TOX: variants seen among roughly 807,000 people sequenced by gnomAD.
TOX encodes the protein thymocyte selection-associated high mobility group box protein TOX.
In TOX, 11 loss-of-function variants were observed where a neutral mutation model predicts 53.7. That is an observed-to-expected ratio of 0.20 (90% CI 0.13 to 0.34). The LOEUF is 0.34. TOX is among the 10% of genes least tolerant of loss of function. The pLI is 1.00. For missense variants in TOX, 570 were observed against 664.6 expected (o/e 0.86, Z 1.56); for synonymous variants, 225 against 245.3 (o/e 0.92, Z 0.77).
intron 3 of TOX, among the ~76,000 whole-genome samples, chr8:58,920,721 T>TAAAAAAAAAAAAAAAAAAAAAAAA (rs5891703): frequency 1.4e-4 from 11 of 81,022 alleles, no homozygotes; most frequent in Admixed American, 3.2e-4. Context: ...AAAAAAACAT[T>TAAAAAAAAAAAAAAAAAAAAAAAA]AAAAAAAAAA....
rs560478337 is a variant in TOX at position 58,851,158 on chromosome 8, G to GTCTCTCTCTCTCTC, written c.693+352_693+365dup. On this transcript the variant is annotated intron_variant, in intron 4 of 8. Coordinates refer to ENST00000361421, the MANE Select transcript of TOX (RefSeq NM_014729.3). This position sits in a 1 kb window ranked among gnomAD's most constrained non-coding sequence, Gnocchi z 4.4. The stretch of plus-strand genomic sequence containing the variant: ...CACCATACATCTCCTCTCTCTCTCT[G>GTCTCTCTCTCTCTC]TCTCTCTCTCTCTCTCTCTCTCTCT... Among the ~76,000 whole-genome samples, 14 of 118,276 alleles carry GTCTCTCTCTCTCTC rather than the reference G, an allele frequency of 1.2e-4. No homozygotes were observed. The highest frequency in any genetic ancestry group is 2.9e-4 in the South Asian group (1 of 3,470). 77.6% of individuals were successfully genotyped at this position (118,276 alleles called of 152,430 possible).
chr8:59,083,197 G>C (rs1340478912), intron 1 of TOX, among the ~76,000 whole-genome samples: 1 of 152,230 alleles, frequency 6.6e-6, no homozygotes, highest in Non-Finnish European at 1.5e-5. Context: ...AGTGGAAGGA[G>C]AGAGTCCAGA....
chr8:59,088,853 A>G (rs983813526), intron 1 of TOX, among the ~76,000 whole-genome samples: 1 of 152,180 alleles, frequency 6.6e-6, no homozygotes, highest in East Asian at 1.9e-4. Flanking sequence ...ATGACTACAC[A>G]TCTCTTAGCA....
rs550275018 is a variant in TOX at position 58,856,096 on chromosome 8, A to G, written c.412-4291T>C. Among the ~76,000 whole-genome samples the G allele has an allele frequency of 2.7e-3, 410 of 152,306 alleles. 4 individuals carry two copies. Among genetic ancestry groups the G allele is most frequent in the Non-Finnish European group, 3.4e-3 (233 of 68,024 alleles). On this transcript the variant is annotated intron_variant, in intron 3 of 8. Transcript: ENST00000361421. ...CAACAAAGACTGAAGTAAAAATGAAATATACTTTTTTTACATACTTGTACT... is the reference window on the plus strand; with the variant it reads ...CAACAAAGACTGAAGTAAAAATGAAGTATACTTTTTTTACATACTTGTACT...
intron 1 of TOX, among the ~76,000 whole-genome samples, chr8:59,019,148 C>A (rs897401256): frequency 6.6e-5 from 10 of 152,150 alleles, no homozygotes; most frequent in Non-Finnish European, 1.3e-4. Context: ...TAATACTCAA[C>A]ATTCATTTGC....
At chr8:58,892,927 CAAT>C (rs1327314077) in intron 3 of TOX, among the ~76,000 whole-genome samples, 1 of 152,060 alleles carries the variant, frequency 6.6e-6, no homozygotes, top group Non-Finnish European at 1.5e-5. Flanking sequence ...ATGCAGGCAA[CAAT>C]ATTATAAAAT....
intron 1 of TOX, among the ~76,000 whole-genome samples, chr8:59,103,447 G>C (rs1249983668): frequency 6.6e-6 from 1 of 152,190 alleles, no homozygotes; most frequent in Non-Finnish European, 1.5e-5. Flanking sequence ...TATTTTCCTA[G>C]AACAGAGTTG....
At chr8:58,909,163 T>C (rs771419654) in intron 3 of TOX, among the ~76,000 whole-genome samples, 3 of 152,170 alleles carry the variant, frequency 2.0e-5, no homozygotes, top group Non-Finnish European at 2.9e-5. Flanking sequence ...CCCAATATCA[T>C]TGAGGTGGAG....
chr8:58,976,080 A>G (rs1813094684), intron 1 of TOX, among the ~76,000 whole-genome samples: 1 of 152,196 alleles, frequency 6.6e-6, no homozygotes, highest in African/African-American at 2.4e-5. Context: ...AATAAAAAAA[A>G]AAAAATGAAG....
At chr8:58,989,644 G>C (rs887831973) in intron 1 of TOX, among the ~76,000 whole-genome samples, 1 of 152,120 alleles carries the variant, frequency 6.6e-6, no homozygotes, top group Non-Finnish European at 1.5e-5. Flanking sequence ...TCAAATATTA[G>C]AGTTTTAAGA....
chr8:58,882,683 C>T (rs1297554207), intron 3 of TOX, among the ~76,000 whole-genome samples: 1 of 152,144 alleles, frequency 6.6e-6, no homozygotes, highest in Non-Finnish European at 1.5e-5. Flanking sequence ...ACAAAGAAGA[C>T]CTTTTAACAA....
chr8:59,058,474 C>T (rs1349368873), intron 1 of TOX, among the ~76,000 whole-genome samples: 1 of 152,124 alleles, frequency 6.6e-6, no homozygotes, highest in African/African-American at 2.4e-5. Context: ...CACATGCTTG[C>T]CCACTGGAAG....
rs182480322 is a variant in TOX, at chr8:58,936,876, C to T, written c.411+2426G>A. Reference sequence around the variant, plus strand: ...TAACACAGTAGCTGCTGGGTGAATGCGGCTACTTAACTGTAAAGTAATTAA... The same window carrying T: ...TAACACAGTAGCTGCTGGGTGAATGTGGCTACTTAACTGTAAAGTAATTAA... On this transcript the variant is annotated intron_variant, in intron 3 of 8. Transcript: ENST00000361421. Among the ~76,000 whole-genome samples, 10 of 152,238 alleles carry T rather than the reference C, an allele frequency of 6.6e-5. No homozygotes were observed. The South Asian group carries it at 1.2e-3, about 19-fold the overall frequency.
intron 3 of TOX, among the ~76,000 whole-genome samples, chr8:58,870,441 G>A (rs190657936): frequency 6.6e-6 from 1 of 152,248 alleles, no homozygotes; most frequent in African/African-American, 2.4e-5. Flanking sequence ...AAAAGGGTCA[G>A]TATTGTTAAG....
Position 59,055,234 on chromosome 8 carries a change from A to C in TOX, c.102+63652T>G, listed in dbSNP as rs866376042. 2.6e-5 allele frequency among the ~76,000 whole-genome samples: 4 copies of C among 152,292 alleles called. No homozygotes were observed. The South Asian group carries it at 8.3e-4, about 32-fold the overall frequency. On this transcript the variant is annotated intron_variant, in intron 1 of 8. Transcript: ENST00000361421. ...ATCAGCTGCAAACAGGCCCCAGGGG[A>C]CAAGCACTGTTGTAAAGCAATAGGA...
At chr8:59,047,863 G>T (rs773231369) in intron 1 of TOX, among the ~76,000 whole-genome samples, 4 of 152,062 alleles carry the variant, frequency 2.6e-5, no homozygotes, top group Admixed American at 6.6e-5. Context: ...TATGAATAAA[G>T]AATATTTATG....
At chr8:59,086,496 A>G (rs557698177) in intron 1 of TOX, among the ~76,000 whole-genome samples, 83 of 152,316 alleles carry the variant, frequency 5.4e-4, no homozygotes, top group African/African-American at 2.0e-3. Context: ...TATAAAGTAG[A>G]CTATTCCTTA....
At chr8:59,097,027 T>C (rs1163211148) in intron 1 of TOX, among the ~76,000 whole-genome samples, 4 of 152,198 alleles carry the variant, frequency 2.6e-5, no homozygotes, top group Non-Finnish European at 4.4e-5. Context: ...TGGAGCCAAC[T>C]ATAAACAATG....
At chr8:58,971,805 C>T (rs952853811) in intron 1 of TOX, among the ~76,000 whole-genome samples, 1 of 152,138 alleles carries the variant, frequency 6.6e-6, no homozygotes, top group African/African-American at 2.4e-5. Flanking sequence ...ATTCTCTTGC[C>T]TTAGCGTCCA....
Sources: gnomAD v4.1 joint callset for allele counts (sites outside exome capture counted in the v4.1 genomes callset) on GRCh38, gnomAD v4.1.1 for gene constraint, Gnocchi (gnomAD v3.1) non-coding constraint, MANE v1.5 for transcripts, NCBI Gene and HGNC (gene_info 2026-07-23, HGNC 2026-07-21) for gene names.